Variants in VDAC1 observed in about 807,000 individuals in gnomAD.
The protein encoded by VDAC1 is voltage dependent anion channel 1, also known as non-selective voltage-gated ion channel VDAC1.
VDAC1 carries 10 observed loss-of-function variants against 34.7 expected under a neutral mutation model. The ratio of observed to expected loss-of-function variants is 0.29; its 90% CI spans 0.18 to 0.49. The LOEUF (loss-of-function observed/expected upper bound fraction) is 0.49, where lower values mean the gene tolerates loss of function less well. Among genes scored for constraint, VDAC1 ranks in the 20% least tolerant of loss-of-function variants. The probability of loss-of-function intolerance (pLI) is 0.99; values close to 1 mark genes in which losing one functional copy is unlikely to be tolerated. For missense variants in VDAC1, 230 were observed against 347.9 expected, an observed-to-expected ratio of 0.66 and a Z score of 2.69; for synonymous variants, 130 against 136.0, an observed-to-expected ratio of 0.96 and a Z score of 0.30.
At chr5:134,108,121 G>C in the VDAC1 span, among the ~76,000 whole-genome samples, 2 of 152,138 alleles carry the variant, frequency 1.3e-5, no homozygotes, top group Non-Finnish European at 2.9e-5. Flanking sequence ...TGGGGAGGCG[G>C]GGAGGCTTCC....
chr5:134,018,178 C>A, the VDAC1 span, among the ~76,000 whole-genome samples: 1 of 152,176 alleles, frequency 6.6e-6, no homozygotes, highest in Admixed American at 6.5e-5. Flanking sequence ...TGAGTGTCTC[C>A]TAACGAGGAA....
chr5:134,031,192 T>C, the VDAC1 span, among the ~76,000 whole-genome samples: 1 of 152,098 alleles, frequency 6.6e-6, no homozygotes, highest in African/African-American at 2.4e-5. Flanking sequence ...CAACATAGGA[T>C]TTTAGACAGT....
intron 1 of VDAC1, among the ~76,000 whole-genome samples, chr5:134,003,084 A>G (rs1190229127): frequency 7.1e-6 from 1 of 141,370 alleles, no homozygotes; most frequent in East Asian, 1.9e-4. Context: ...GTACTGGAAT[A>G]GTAAAACTCT....
chr5:133,989,386 GTC>G (rs1403820560), intron 5 of VDAC1: 1 of 148,892 alleles, frequency 6.7e-6, no homozygotes, highest in African/African-American at 2.5e-5. Context: ...TGGAGACAGA[GTC>G]TCTCTCTGTA....
the VDAC1 span, among the ~76,000 whole-genome samples, chr5:134,096,648 T>C: frequency 5.5e-4 from 83 of 152,110 alleles, no homozygotes; most frequent in Middle Eastern, 3.4e-3. Context: ...CTCTGTCACC[T>C]AGGCTGGAGT....
At chr5:133,995,999 C>T (rs763209234) in intron 1 of VDAC1, among the ~76,000 whole-genome samples, 1 of 152,148 alleles carries the variant, frequency 6.6e-6, no homozygotes, top group Non-Finnish European at 1.5e-5. Context: ...ACACAGCTGT[C>T]TCTGCAGCAT....
chr5:134,028,297 T>A, the VDAC1 span, among the ~76,000 whole-genome samples: 1 of 151,080 alleles, frequency 6.6e-6, no homozygotes, highest in East Asian at 2.0e-4. Context: ...CATGCCTGGC[T>A]AATTTTTGTC....
chr5:134,023,342 G>A, the VDAC1 span, among the ~76,000 whole-genome samples: 2 of 152,104 alleles, frequency 1.3e-5, no homozygotes, highest in Non-Finnish European at 2.9e-5. Flanking sequence ...AGGGGAGGGA[G>A]AGCATTAGGA....
chr5:134,113,649 G>A, the VDAC1 span, among the ~76,000 whole-genome samples: 20 of 152,270 alleles, frequency 1.3e-4, no homozygotes, highest in Non-Finnish European at 2.5e-4. Flanking sequence ...AAGGACCGGC[G>A]TCTTTTGTAG....
At chr5:134,049,681 G>C in the VDAC1 span, among the ~76,000 whole-genome samples, 5 of 152,070 alleles carry the variant, frequency 3.3e-5, no homozygotes, top group Non-Finnish European at 7.4e-5. Context: ...TCAGGTTCAC[G>C]CAATTCTCCT....
At chr5:134,016,528 C>T in the VDAC1 span, among the ~76,000 whole-genome samples, 1 of 152,168 alleles carries the variant, frequency 6.6e-6, no homozygotes, top group African/African-American at 2.4e-5. Flanking sequence ...GCAGTTTTTC[C>T]TCGAGCCGAA....
At chr5:134,078,852 T>C in the VDAC1 span, among the ~76,000 whole-genome samples, 61,027 of 151,626 alleles carry the variant, frequency 0.4, 13,031 homozygotes, top group African/African-American at 0.55. Context: ...GGTTTCACCA[T>C]GTTGGCCAGG....
chr5:134,034,742 T>C, the VDAC1 span, among the ~76,000 whole-genome samples: 1 of 151,884 alleles, frequency 6.6e-6, no homozygotes. Context: ...TGAATAAACA[T>C]GGCGGACAGT....
the VDAC1 span, among the ~76,000 whole-genome samples, chr5:134,011,915 C>T: frequency 6.6e-6 from 1 of 152,038 alleles, no homozygotes. Flanking sequence ...GCTGGGATTA[C>T]AGGCATGAGC....
the VDAC1 span, among the ~76,000 whole-genome samples, chr5:134,089,663 C>T: frequency 4.0e-5 from 6 of 148,300 alleles, no homozygotes; most frequent in Non-Finnish European, 7.4e-5. Context: ...GAAAATGTGG[C>T]TCATGGCCGG....
At chr5:134,006,246 C>G (rs1055396136), upstream of VDAC1, among the ~76,000 whole-genome samples, 4 of 152,290 alleles carry the variant, frequency 2.6e-5, no homozygotes, top group African/African-American at 9.6e-5. Context: ...CTCTGGGCTT[C>G]CCAGCCTGGT....
chr5:134,048,906 G>A, the VDAC1 span, among the ~76,000 whole-genome samples: 1 of 152,138 alleles, frequency 6.6e-6, no homozygotes, highest in Non-Finnish European at 1.5e-5. Flanking sequence ...GTAAATATTT[G>A]CTGAGTGAAT....
chr5:133,995,172 G>A (rs946779175), intron 1 of VDAC1, among the ~76,000 whole-genome samples: 4 of 152,184 alleles, frequency 2.6e-5, no homozygotes, highest in African/African-American at 9.7e-5. Context: ...CCAAGGACAA[G>A]GCACTCAGAG....
At chr5:134,051,462 C>T in the VDAC1 span, among the ~76,000 whole-genome samples, 104,579 of 152,096 alleles carry the variant, frequency 0.69, 36,707 homozygotes, top group Admixed American at 0.78. Flanking sequence ...GCTTCTTCCA[C>T]TGCCTTTTCC....
Sources: gnomAD v4.1 joint callset for allele counts (sites outside exome capture counted in the v4.1 genomes callset) on GRCh38, gnomAD v4.1.1 for gene constraint, MANE v1.5 for transcripts, NCBI Gene and HGNC (gene_info 2026-07-23, HGNC 2026-07-21) for gene names.